Variants in AP2A1 observed in about 807,000 individuals in gnomAD.
The protein encoded by AP2A1 is adaptor related protein complex 2 subunit alpha 1.
AP2A1 carries 21 observed loss-of-function variants against 107.3 expected under a neutral mutation model. The observed-to-expected ratio is 0.20, with a 90% CI of 0.14 to 0.28. The LOEUF (loss-of-function observed/expected upper bound fraction) is 0.28. AP2A1 is among the 10% of genes least tolerant of loss of function. The pLI, the probability that AP2A1 is intolerant of heterozygous loss-of-function variation, is 1.00. For missense variants in AP2A1, 873 were observed against 1,307.7 expected, an observed-to-expected ratio of 0.67 and a Z score of 5.13; for synonymous variants, 602 against 564.8, an observed-to-expected ratio of 1.07 and a Z score of -0.93.
Position 49,799,671 on chromosome 19 carries a change from C to G in AP2A1, c.1177C>G (p.Leu393Val). The G allele has an allele frequency of 6.2e-7, 1 of 1,612,678 alleles. No individual in the cohort carries two copies. Among genetic ancestry groups the G allele is most frequent in the Non-Finnish European group, 8.5e-7 (1 of 1,179,888 alleles). ...VSVRQRAADL[L>V]YAMCDRSNAK... ...CGTGCGGCAGCGGGCGGCTGACCTC[C>G]TCTACGCCATGTGTGACCGGAGCAA... Residue 393 changes from leucine to valine, a missense_variant, in exon 10 of 23, where the codon CTC becomes GTC. Leu to Val is a conservative substitution (Grantham distance 32). Around this residue, in one of 4 missense-constraint regions of AP2A1, gnomAD observed 213 missense variants for 443.5 expected, o/e 0.48. Coordinates refer to ENST00000354293, the MANE Select transcript of AP2A1 (RefSeq NM_130787.3).
intron 1 of AP2A1, among the ~76,000 whole-genome samples, chr19:49,769,323 G>C (rs1438568604): frequency 6.6e-6 from 1 of 152,164 alleles, no homozygotes; most frequent in African/African-American, 2.4e-5. Context: ...CAGAACATAT[G>C]CACAGGGAAC....
At chr19:49,800,356 G>C (rs62129183) in intron 11 of AP2A1, among the ~76,000 whole-genome samples, 22,279 of 152,248 alleles carry the variant, frequency 0.15, 1,648 homozygotes, top group African/African-American at 0.17. Context: ...GAGTCCCCAG[G>C]GCATGGGCAT....
At chr19:49,779,300 G>GA (rs2084648274) in intron 1 of AP2A1, among the ~76,000 whole-genome samples, 1 of 144,608 alleles carries the variant, frequency 6.9e-6, no homozygotes, top group African/African-American at 2.6e-5. Flanking sequence ...TTGCGCCACT[G>GA]CACTCCAGCC....
chr19:49,793,914 T>TC (rs1274173508), intron 6 of AP2A1, among the ~76,000 whole-genome samples: 5 of 141,170 alleles, frequency 3.5e-5, no homozygotes, highest in African/African-American at 1.3e-4. Flanking sequence ...TTTTTTTTTT[T>TC]TTTTTTTTTT....
At chr19:49,791,909 C>T (rs1369622159) in intron 4 of AP2A1, 26 bp from the exon 5 acceptor site, 1 of 1,586,770 alleles carries the variant, frequency 6.3e-7, no homozygotes, top group South Asian at 1.1e-5. Flanking sequence ...ACTCTGCTTC[C>T]CCTGCCCTGC....
At chr19:49,782,750 GT>G in intron 4 of AP2A1, 26 bp downstream of exon 4, 4 of 1,555,962 alleles carry the variant, frequency 2.6e-6, no homozygotes, top group Non-Finnish European at 3.5e-6. Flanking sequence ...CCCGTTGGCA[GT>G]GGGGGGCCTG....
At chr19:49,799,519 C>T (rs533674790) in intron 9 of AP2A1, 24 bp downstream of exon 9, 49 of 1,607,188 alleles carry the variant, frequency 3.0e-5, no homozygotes, top group East Asian at 2.0e-4. Flanking sequence ...GAGCCCACCC[C>T]GGGCCTGCCA....
rs747718256 is a variant in AP2A1 at position 49,785,065 on chromosome 19, A to C, written c.473+2341A>C. 4.6e-5 allele frequency among the ~76,000 whole-genome samples: 7 copies of C among 152,204 alleles called. No individual in the cohort carries two copies. The highest frequency in any genetic ancestry group is 1.3e-4 in the Admixed American group (2 of 15,274). The stretch of plus-strand genomic sequence containing the variant: ...TTAGGAAAGAGACAAAGACTCATGG[A>C]AGACAGAGAACATCTAACAGAATTG... On this transcript the variant is annotated intron_variant, in intron 4 of 22. Transcript: ENST00000354293. The surrounding 1 kb of genome is among the most constrained non-coding windows in gnomAD (Gnocchi z 4.1).
At chr19:49,779,557 G>T (rs1216692801) in intron 1 of AP2A1, among the ~76,000 whole-genome samples, 1 of 147,484 alleles carries the variant, frequency 6.8e-6, no homozygotes, top group Non-Finnish European at 1.5e-5. Flanking sequence ...CTATAACCCA[G>T]TACACCCAAA....
At chr19:49,800,849 C>A in intron 11 of AP2A1, 112 bp from the exon 12 acceptor site, 1 of 851,418 alleles carries the variant, frequency 1.2e-6, no homozygotes, top group South Asian at 1.7e-5. Flanking sequence ...ACCTATAACC[C>A]CACCTGCAGC....
Position 49,801,051 on chromosome 19 carries a change from C to T in AP2A1, c.1546C>T (p.Arg516Cys), listed in dbSNP as rs2073272100. The T allele has an allele frequency of 1.2e-6, 2 of 1,604,064 alleles. No homozygotes were observed. Among genetic ancestry groups the T allele is most frequent in the Non-Finnish European group, 1.7e-6 (2 of 1,175,608 alleles). Residue 516 changes from arginine (R) to cysteine (C), a missense_variant, in exon 12 of 23, where the codon CGC becomes TGC. This residue lies in a region of AP2A1 where 213 missense variants were observed against 443.5 expected (regional missense o/e 0.48). Coordinates refer to ENST00000354293, the MANE Select transcript of AP2A1 (RefSeq NM_130787.3). ...EFGNLIAGDP[R>C]SSPPVQFSLL... is the part of the protein sequence containing the mutation. ...TGGGAACCTGATTGCTGGGGACCCCCGCTCCAGGTGAGGGAGCCTCAGCCT... is the reference window on the plus strand; with the variant it reads ...TGGGAACCTGATTGCTGGGGACCCCTGCTCCAGGTGAGGGAGCCTCAGCCT...
At position 49,788,722 on chromosome 19, in the gene AP2A1, A is replaced by G. The variant is rs914242236; in HGVS notation, c.474-3213A>G. Among the ~76,000 whole-genome samples, 1 of 151,138 alleles carries G rather than the reference A, an allele frequency of 6.6e-6. No homozygotes were observed. The highest frequency in any genetic ancestry group is 1.5e-5 in the Non-Finnish European group (1 of 67,824). On this transcript the variant is annotated intron_variant, in intron 4 of 22. Coordinates refer to ENST00000354293, the MANE Select transcript of AP2A1 (RefSeq NM_130787.3). This position sits in a 1 kb window ranked among gnomAD's most constrained non-coding sequence, Gnocchi z 4.5. The stretch of plus-strand genomic sequence containing the variant: ...TCGGGAGATGCGCGCCGTGACGGAG[A>G]TGGGAAAGTGGCCTGGAGTCAGGGC...
Position 49,800,175 on chromosome 19 carries a change from A to G in AP2A1, c.1455+25A>G, listed in dbSNP as rs201639831. The G allele has an allele frequency of 1.8e-5, 28 of 1,590,324 alleles. 1 individual carries two copies. In the Middle Eastern group the frequency reaches 5.0e-4, roughly 28 times the overall value. On this transcript the variant is annotated intron_variant, in intron 11 of 22. Coordinates refer to ENST00000354293, the MANE Select transcript of AP2A1 (RefSeq NM_130787.3). ...GGTCAGCATCCCTGACCCTGACCCT[A>G]TGACCCCACGACAGGACCTAGAGGC...
chr19:49,781,580 G>T (rs1432998974), intron 1 of AP2A1, among the ~76,000 whole-genome samples, 177 bp from the exon 2 acceptor site: 1 of 152,090 alleles, frequency 6.6e-6, no homozygotes, highest in African/African-American at 2.4e-5. Context: ...GCCAGCGGTG[G>T]TTCTTCCCTC....
At position 49,802,171 on chromosome 19, in the gene AP2A1, C is replaced by T. The variant is rs1400673332; in HGVS notation, c.2114+30C>T. On this transcript the variant is annotated intron_variant, in intron 15 of 22. Transcript: ENST00000354293. ...CACCCCCTGGGCCCGGGCCCCTTCTCGCGGCCACCCCCAGGGCTGTCCCTT... is the reference window on the plus strand; with the variant it reads ...CACCCCCTGGGCCCGGGCCCCTTCTTGCGGCCACCCCCAGGGCTGTCCCTT... The T allele has an allele frequency of 5.3e-6, 8 of 1,519,850 alleles. 1 individual carries two copies. In the East Asian group the frequency reaches 7.3e-5, roughly 14 times the overall value. The allele number at this position is 1,519,850 out of a possible 1,614,324, so 94.1% of individuals were successfully genotyped here. A position where few individuals can be genotyped will look rare whatever the true frequency, so the allele number is the denominator to read the frequency against.
intron 8 of AP2A1, 31 bp downstream of exon 8, chr19:49,798,983 C>G: frequency 1.3e-6 from 2 of 1,551,300 alleles, no homozygotes; most frequent in East Asian, 2.4e-5. Flanking sequence ...GGGCCTGATG[C>G]CTGGGGCCAG....
At chr19:49,782,174 G>A in intron 3 of AP2A1, 85 bp downstream of exon 3, 1 of 1,073,788 alleles carries the variant, frequency 9.3e-7, no homozygotes, top group East Asian at 3.0e-5. Context: ...TGGATCTGGG[G>A]GAGGAGGGGG....
chr19:49,777,634 CAA>C (rs750227185), intron 1 of AP2A1, among the ~76,000 whole-genome samples: 19 of 95,744 alleles, frequency 2.0e-4, no homozygotes, highest in Admixed American at 2.2e-4. Context: ...GACTCCATCA[CAA>C]AAAAAAAAAA....
At chr19:49,787,909 T>G (rs2073093811) in intron 4 of AP2A1, among the ~76,000 whole-genome samples, 2 of 152,168 alleles carry the variant, frequency 1.3e-5, no homozygotes, top group Non-Finnish European at 2.9e-5. Context: ...CTTCTTCCAC[T>G]CAACAAGATG....
Sources: allele counts gnomAD v4.1 joint callset (sites outside exome capture counted in the v4.1 genomes callset), GRCh38; gene constraint gnomAD v4.1.1; regional missense constraint gnomAD v4.1.1; non-coding constraint Gnocchi (gnomAD v3.1); transcripts MANE v1.5; gene names NCBI Gene and HGNC (gene_info 2026-07-23, HGNC 2026-07-21).